The following CDH12 variants were observed in gnomAD, a reference collection of about 807,000 sequenced individuals.
CDH12 encodes cadherin 12.
Under a neutral mutation model 74.1 loss-of-function variants are expected in CDH12, and 41 were observed. The ratio of observed to expected loss-of-function variants is 0.55; its 90% CI spans 0.43 to 0.72. The LOEUF (loss-of-function observed/expected upper bound fraction) is 0.72, where lower values mean the gene tolerates loss of function less well. CDH12 is among the 30% of genes least tolerant of loss of function. The pLI, the probability that CDH12 is intolerant of heterozygous loss-of-function variation, is 0.00. For missense variants in CDH12, 945 were observed against 977.2 expected (o/e 0.97, Z 0.44); for synonymous variants, 399 against 355.0 (o/e 1.12, Z -1.39).
chr5:22,086,604 G>A (rs560616940), intron 4 of CDH12, among the ~76,000 whole-genome samples: 84 of 152,066 alleles, frequency 5.5e-4, no homozygotes, highest in African/African-American at 2.0e-3. Flanking sequence ...TGATCCACCC[G>A]CCTTGGCCTC....
chr5:22,001,214 C>T (rs1397135161), intron 5 of CDH12, among the ~76,000 whole-genome samples: 3 of 152,128 alleles, frequency 2.0e-5, no homozygotes, highest in Non-Finnish European at 2.9e-5. Flanking sequence ...TAAGCAATGT[C>T]TTTAACAGTT....
At chr5:21,977,844 T>C (rs988318862) in intron 5 of CDH12, among the ~76,000 whole-genome samples, 3 of 152,146 alleles carry the variant, frequency 2.0e-5, no homozygotes, top group Non-Finnish European at 2.9e-5. Flanking sequence ...ACTATAAAAC[T>C]CGTGAGAGAA....
At chr5:22,511,571 T>C (rs1035174611) in intron 1 of CDH12, among the ~76,000 whole-genome samples, 11 of 152,130 alleles carry the variant, frequency 7.2e-5, no homozygotes, top group African/African-American at 2.7e-4. Context: ...ATAAAGATAA[T>C]GTCTGAAATT....
intron 8 of CDH12, among the ~76,000 whole-genome samples, chr5:21,828,450 G>C (rs1039659329): frequency 6.6e-6 from 1 of 152,164 alleles, no homozygotes; most frequent in Admixed American, 6.6e-5. Flanking sequence ...AAGTTAGCTG[G>C]GGATATGTAT....
intron 10 of CDH12, 56 bp from the exon 11 acceptor site, chr5:21,783,550 G>A (rs1328315888): frequency 2.3e-6 from 3 of 1,322,898 alleles, no homozygotes; most frequent in Non-Finnish European, 2.1e-6. Flanking sequence ...AATCATAATG[G>A]CACTTAGGCT....
intron 1 of CDH12, among the ~76,000 whole-genome samples, chr5:22,717,463 G>A (rs1414628073): frequency 6.6e-6 from 1 of 152,072 alleles, no homozygotes; most frequent in Non-Finnish European, 1.5e-5. Context: ...TTCAGTCAAT[G>A]ACAAAACTTC....
chr5:22,007,057 A>G (rs1737007554), intron 5 of CDH12, among the ~76,000 whole-genome samples: 1 of 152,146 alleles, frequency 6.6e-6, no homozygotes. Context: ...AAACAGAATT[A>G]CCAACCAGTT....
chr5:22,842,892 A>T (rs896507471), intron 1 of CDH12, among the ~76,000 whole-genome samples: 1 of 152,078 alleles, frequency 6.6e-6, no homozygotes, highest in Admixed American at 6.6e-5. Context: ...CCAAAGGAAA[A>T]GTGAGATAAT....
At chr5:22,254,438 C>T (rs1753238076) in intron 3 of CDH12, among the ~76,000 whole-genome samples, 1 of 151,690 alleles carries the variant, frequency 6.6e-6, no homozygotes, top group African/African-American at 2.4e-5. Context: ...CAGAAGATGA[C>T]CAAGAAAAAC....
intron 6 of CDH12, chr5:21,883,699 G>A (rs1235187477): frequency 1.4e-4 from 231 of 1,610,222 alleles, no homozygotes; most frequent in South Asian, 4.9e-4. Flanking sequence ...CTTGAAAAAC[G>A]TATTCAAGAA....
intron 1 of CDH12, among the ~76,000 whole-genome samples, chr5:22,667,604 A>T (rs1740690403): frequency 6.6e-6 from 1 of 152,186 alleles, no homozygotes; most frequent in Admixed American, 6.5e-5. Context: ...TTCTGCTTTA[A>T]AAGTCTAAGT....
chr5:22,797,383 C>T (rs1318626314), intron 1 of CDH12, among the ~76,000 whole-genome samples: 4 of 152,184 alleles, frequency 2.6e-5, no homozygotes, highest in South Asian at 2.1e-4. Context: ...TAGTCCATGG[C>T]ATTCTGTTAT....
chr5:22,162,904 T>A (rs1410795028), intron 4 of CDH12, among the ~76,000 whole-genome samples: 2 of 146,876 alleles, frequency 1.4e-5, no homozygotes, highest in African/African-American at 5.1e-5. Context: ...TTTTTTTTTT[T>A]TTTTTTTTTT....
intron 1 of CDH12, among the ~76,000 whole-genome samples, chr5:22,742,488 T>G (rs1262864642): frequency 6.6e-6 from 1 of 151,986 alleles, no homozygotes; most frequent in Non-Finnish European, 1.5e-5. Context: ...GGAAATACCT[T>G]CAAAAAATAG....
At chr5:22,452,978 A>G (rs1745115139) in intron 2 of CDH12, among the ~76,000 whole-genome samples, 1 of 151,700 alleles carries the variant, frequency 6.6e-6, no homozygotes, top group Non-Finnish European at 1.5e-5. Flanking sequence ...AAGGTATGTG[A>G]AAATATGTTC....
At chr5:22,536,106 G>A (rs1444831019) in intron 1 of CDH12, among the ~76,000 whole-genome samples, 3 of 152,102 alleles carry the variant, frequency 2.0e-5, no homozygotes, top group Non-Finnish European at 4.4e-5. Context: ...TTTGGTATTT[G>A]AGGGAAGTTC....
chr5:22,414,507 G>T (rs1743299948), intron 2 of CDH12, among the ~76,000 whole-genome samples: 1 of 151,866 alleles, frequency 6.6e-6, no homozygotes, highest in Non-Finnish European at 1.5e-5. Context: ...TCTTTCAAAA[G>T]CAAAGAGGTA....
chr5:22,345,247 G>T (rs1295323983), intron 3 of CDH12, among the ~76,000 whole-genome samples: 2 of 151,822 alleles, frequency 1.3e-5, no homozygotes, highest in Admixed American at 1.3e-4. Context: ...TGCTGAGATT[G>T]CAGTCAATTA....
chr5:22,244,711 AAGAG>A (rs1284648143), intron 3 of CDH12, among the ~76,000 whole-genome samples: 17 of 147,158 alleles, frequency 1.2e-4, no homozygotes, highest in Non-Finnish European at 1.9e-4. Flanking sequence ...AAGAAAGAGA[AAGAG>A]AGAGAGAAAG....
Sources: gnomAD v4.1 joint callset for allele counts (sites outside exome capture counted in the v4.1 genomes callset) on GRCh38, gnomAD v4.1.1 for gene constraint, MANE v1.5 for transcripts, NCBI Gene and HGNC (gene_info 2026-07-23, HGNC 2026-07-21) for gene names.